MYO3B: variants seen among roughly 807,000 people sequenced by gnomAD.
MYO3B encodes myosin IIIB, also known as myosin-IIIb.
MYO3B carries 156 observed loss-of-function variants against 174.6 expected under a neutral mutation model. The ratio of observed to expected loss-of-function variants is 0.89; its 90% confidence interval spans 0.78 to 1.02. The LOEUF (loss-of-function observed/expected upper bound fraction) is 1.02, where lower values mean the gene tolerates loss of function less well. Ranked by LOEUF, MYO3B falls within the 50% of genes least tolerant of loss-of-function variation. The probability of loss-of-function intolerance (pLI) is 0.00; values close to 1 mark genes in which losing one functional copy is unlikely to be tolerated. For synonymous variants in MYO3B, 563 were observed against 569.1 expected, an observed-to-expected ratio of 0.99 and a Z score of 0.15; for missense variants, 1,632 against 1,639.4, an observed-to-expected ratio of 1.00 and a Z score of 0.08.
chr2:170,569,177 C>A (rs1692262178), intron 32 of MYO3B, among the ~76,000 whole-genome samples: 1 of 152,176 alleles, frequency 6.6e-6, no homozygotes. Flanking sequence ...CAATACTACT[C>A]CAGGGAACAA....
At chr2:170,459,816 G>A (rs1170226031) in intron 23 of MYO3B, among the ~76,000 whole-genome samples, 9 of 152,148 alleles carry the variant, frequency 5.9e-5, no homozygotes, top group Admixed American at 2.0e-4. Flanking sequence ...GAATTTGAGC[G>A]TGGTGTGGGC....
chr2:170,332,616 C>T (rs1006217564), intron 7 of MYO3B, among the ~76,000 whole-genome samples: 1 of 152,154 alleles, frequency 6.6e-6, no homozygotes, highest in South Asian at 2.1e-4. Context: ...GTAGGATGAA[C>T]TCCAGGAAAG....
intron 32 of MYO3B, among the ~76,000 whole-genome samples, chr2:170,649,353 T>TAATATATATTATATATAAA (rs1559202500): frequency 2.5e-4 from 10 of 40,556 alleles, no homozygotes; most frequent in African/African-American, 9.8e-4. Flanking sequence ...TAAAATAATA[T>TAATATATATTATATATAAA]ATAATATATT....
intron 7 of MYO3B, among the ~76,000 whole-genome samples, chr2:170,245,499 G>A (rs1391471048): frequency 1.3e-5 from 2 of 152,096 alleles, no homozygotes; most frequent in Non-Finnish European, 2.9e-5. Context: ...CTGCCATAAG[G>A]GAGTCTTACC....
intron 32 of MYO3B, among the ~76,000 whole-genome samples, chr2:170,572,828 T>C (rs1025059743): frequency 1.3e-5 from 2 of 152,192 alleles, no homozygotes; most frequent in Non-Finnish European, 2.9e-5. Context: ...TGTAATATTA[T>C]GTCGTGAATC....
chr2:170,538,456 G>C (rs924109203), intron 30 of MYO3B, among the ~76,000 whole-genome samples: 10 of 152,182 alleles, frequency 6.6e-5, no homozygotes, highest in Non-Finnish European at 7.4e-5. Context: ...GGACCATGGT[G>C]ACTTCACCTA....
chr2:170,537,959 A>C lies in MYO3B; in HGVS notation c.3576-4947A>C, dbSNP rs565126020. Among the ~76,000 whole-genome samples the C allele has an allele frequency of 3.9e-5, 6 of 152,364 alleles. No individual in the cohort carries two copies. The South Asian group carries it at 1.2e-3, about 32-fold the overall frequency. ...AGTATGCTTTCAAGCGTGAACGAAT[A>C]AATGGATATCTCAGTTTCTCTCCAA... On this transcript the variant is annotated intron_variant, in intron 30 of 34. Coordinates refer to ENST00000408978, the MANE Select transcript of MYO3B (RefSeq NM_138995.5).
chr2:170,226,944 G>A (rs575489783), intron 6 of MYO3B, among the ~76,000 whole-genome samples: 23 of 152,324 alleles, frequency 1.5e-4, no homozygotes, highest in African/African-American at 5.1e-4. Flanking sequence ...TGTTACTGCA[G>A]GAACAGAAGT....
rs1315298119 is a variant in MYO3B, at chr2:170,466,520, C to A, written c.2823C>A (p.Asp941Glu). 1 of 1,614,108 alleles carries A rather than the reference C, an allele frequency of 6.2e-7. No homozygotes were observed. Among genetic ancestry groups the A allele is most frequent in the Admixed American group, 1.7e-5 (1 of 60,018 alleles). ...CTCCCTGGTAGTATTCTCTGATGGA[C>A]CTGCTCTCCAAAATGGTGGTTGGAC... ...VASYFRYSLM[D>E]LLSKMVVGQP... The change falls in exon 25 of 35, where the codon GAC becomes GAA. Residue 941 changes from aspartate to glutamate, a missense_variant. Asp to Glu is a conservative substitution (Grantham distance 45, BLOSUM62 2). Transcript: ENST00000408978.
intron 7 of MYO3B, among the ~76,000 whole-genome samples, chr2:170,254,081 A>G (rs1574661133): frequency 6.6e-6 from 1 of 152,116 alleles, no homozygotes. Flanking sequence ...GGAAGCCCAC[A>G]TGGAGTCACT....
intron 32 of MYO3B, among the ~76,000 whole-genome samples, chr2:170,596,811 G>C (rs1438502619): frequency 6.6e-6 from 1 of 152,186 alleles, no homozygotes; most frequent in Non-Finnish European, 1.5e-5. Context: ...TAACGCACAT[G>C]GTCACCAGCC....
intron 7 of MYO3B, 72 bp from the exon 8 acceptor site, chr2:170,335,313 T>C (rs1322912188): frequency 4.3e-6 from 5 of 1,156,342 alleles, no homozygotes; most frequent in Non-Finnish European, 6.3e-6. Flanking sequence ...ATGATATCAA[T>C]AAAAACAAGT....
intron 7 of MYO3B, among the ~76,000 whole-genome samples, chr2:170,325,147 C>T (rs886991652): frequency 1.6e-4 from 24 of 152,054 alleles, no homozygotes; most frequent in African/African-American, 5.6e-4. Flanking sequence ...TTCTTTAGAA[C>T]TCTCTTTACT....
intron 23 of MYO3B, among the ~76,000 whole-genome samples, chr2:170,446,450 C>A (rs936639820): frequency 5.9e-5 from 9 of 152,106 alleles, no homozygotes; most frequent in Non-Finnish European, 1.2e-4. Context: ...ATGGCTCAGA[C>A]CCTGCCCACA....
intron 30 of MYO3B, among the ~76,000 whole-genome samples, chr2:170,536,920 G>A (rs1218662360): frequency 1.3e-5 from 2 of 151,956 alleles, no homozygotes; most frequent in East Asian, 3.9e-4. Flanking sequence ...TGCTGGTCTC[G>A]GCTGGGCGTG....
chr2:170,550,972 CA>C (rs1690838721), intron 32 of MYO3B, among the ~76,000 whole-genome samples: 1 of 152,166 alleles, frequency 6.6e-6, no homozygotes, highest in South Asian at 2.1e-4. Context: ...GATCTCACCT[CA>C]CTGCAACCTC....
intron 32 of MYO3B, among the ~76,000 whole-genome samples, chr2:170,578,196 G>A (rs985709659): frequency 2.6e-5 from 4 of 152,250 alleles, no homozygotes; most frequent in African/African-American, 7.2e-5. Flanking sequence ...CTGTTAGCCT[G>A]AGAACAAGTG....
intron 22 of MYO3B, among the ~76,000 whole-genome samples, chr2:170,434,639 TGAG>T (rs1444464791): frequency 6.6e-6 from 1 of 152,158 alleles, no homozygotes; most frequent in Non-Finnish European, 1.5e-5. Flanking sequence ...GTGATCAGAA[TGAG>T]TCAGGGTGGA....
At chr2:170,651,347 A>T (rs974917779) in intron 32 of MYO3B, among the ~76,000 whole-genome samples, 1 of 152,196 alleles carries the variant, frequency 6.6e-6, no homozygotes, top group African/African-American at 2.4e-5. Flanking sequence ...ACCAACTTAT[A>T]CTTCACCAAT....
Sources: gnomAD v4.1 joint callset for allele counts (sites outside exome capture counted in the v4.1 genomes callset) on GRCh38, gnomAD v4.1.1 for gene constraint, MANE v1.5 for transcripts, NCBI Gene and HGNC (gene_info 2026-07-23, HGNC 2026-07-21) for gene names.